LZTR1: variants seen among roughly 807,000 people sequenced by gnomAD.
The protein encoded by LZTR1 is leucine zipper like post translational regulator 1.
A neutral mutation model predicts 105.7 loss-of-function variants in LZTR1; 260 were observed. That is an observed-to-expected ratio of 2.46 (90% CI 2.22 to 2.72). LZTR1 has a LOEUF of 2.72. LZTR1 is among the 30% of genes most tolerant of loss of function. The probability of loss-of-function intolerance (pLI) is 0.00; values close to 1 mark genes in which losing one functional copy is unlikely to be tolerated. For synonymous variants in LZTR1, 490 were observed against 476.4 expected, an observed-to-expected ratio of 1.03 and a Z score of -0.37; for missense variants, 1,214 against 1,166.9, an observed-to-expected ratio of 1.04 and a Z score of -0.59.
chr22:20,990,743 C>T, intron 8 of LZTR1: 1 of 537,504 alleles, frequency 1.9e-6, no homozygotes, highest in South Asian at 2.2e-5. Context: ...GCGAGGAGGC[C>T]CCTGGCTAGG....
Position 20,991,841 on chromosome 22 carries a change from C to A in LZTR1, c.993+12C>A. On this transcript the variant is annotated intron_variant, in intron 9 of 20. Transcript: ENST00000646124. ...GCTCCGACAGCGAGGTGAGGGTGCC[C>A]AGGGGTGTCCTGACCTGCCAGCTGG... 6.5e-7 allele frequency: 1 copy of A among 1,544,316 alleles called. No individual in the cohort carries two copies.
At chr22:20,989,532 G>A (rs1924519484) in intron 6 of LZTR1, 93 bp from the exon 7 acceptor site, 2 of 1,000,472 alleles carry the variant, frequency 2.0e-6, no homozygotes, top group Non-Finnish European at 3.2e-6. Flanking sequence ...GTGTGGGGGT[G>A]GGGCTCCTCC....
chr22:20,996,574 A>G, intron 18 of LZTR1, 122 bp from the exon 19 acceptor site: 1 of 728,382 alleles, frequency 1.4e-6, no homozygotes, highest in Non-Finnish European at 2.4e-6. Context: ...AGTAGTTCAG[A>G]ATCCATTTGG....
In LZTR1 at chr22:20,992,568, G is replaced by A. The variant is rs1237465050; in HGVS notation, c.1149+199G>A. The A allele has an allele frequency of 4.4e-6, 3 of 678,328 alleles. No individual in the cohort carries two copies. In the East Asian group the frequency reaches 8.2e-5, roughly 18 times the overall value. The allele number at this position is 678,328 out of a possible 1,614,324, so 42.0% of individuals were successfully genotyped here. A position where few individuals can be genotyped will look rare whatever the true frequency, so the allele number is the denominator to read the frequency against. On this transcript the variant is annotated intron_variant, in intron 10 of 20. Coordinates refer to ENST00000646124, the MANE Select transcript of LZTR1 (RefSeq NM_006767.4). ...GGGTGGGTGCCACACACTGGCCCAA[G>A]TGCCCTGACCACTCTGAGGGTCTCC...
rs765049551 is a variant in LZTR1 at position 20,990,360 on chromosome 22, G to C, written c.652-26G>C. The C allele has an allele frequency of 1.2e-5, 20 of 1,613,756 alleles. No individual in the cohort carries two copies. In the South Asian group the frequency reaches 2.1e-4, roughly 17 times the overall value. On this transcript the variant is annotated intron_variant, in intron 7 of 20. Transcript: ENST00000646124. ...ATGTGAGCGGGCCCTGTGAGGCCGGGGCTGAGCTGTCCTCTCCCCCTGCAG... is the reference window on the plus strand; with the variant it reads ...ATGTGAGCGGGCCCTGTGAGGCCGGCGCTGAGCTGTCCTCTCCCCCTGCAG...
intron 17 of LZTR1, 30 bp from the exon 18 acceptor site, chr22:20,995,933 G>A (rs757104717): frequency 9.9e-6 from 16 of 1,613,290 alleles, no homozygotes; most frequent in African/African-American, 9.3e-5. Flanking sequence ...TTCTGCTGAC[G>A]GCCAGGTGCC....
chr22:20,986,569 TTAGA>T (rs1283244543), intron 3 of LZTR1: 1 of 151,984 alleles, frequency 6.6e-6, no homozygotes, highest in Non-Finnish European at 1.5e-5. Context: ...GGTAGGTAGA[TTAGA>T]TAGATGATGG....
At position 20,992,592 on chromosome 22, in the gene LZTR1, C is replaced by T. The variant is rs1924645253; in HGVS notation, c.1150-202C>T. On this transcript the variant is annotated intron_variant, in intron 10 of 20. Transcript: ENST00000646124. ...AGTGCCCTGACCACTCTGAGGGTCT[C>T]CATGGCCCGTCATGCCCCACTCGCC... 5 of 638,238 alleles carry T rather than the reference C, an allele frequency of 7.8e-6. No individual in the cohort carries two copies. The Admixed American group carries it at 8.8e-5, about 11-fold the overall frequency. The allele number at this position is 638,238 out of a possible 1,614,324, so 39.5% of individuals were successfully genotyped here. A position where few individuals can be genotyped will look rare whatever the true frequency, so the allele number is the denominator to read the frequency against.
rs1337017523 is a variant in LZTR1 at position 20,993,715 on chromosome 22, G to A, written c.1314G>A (p.Glu438=). 5.6e-6 allele frequency: 9 copies of A among 1,613,508 alleles called. No homozygotes were observed. Among genetic ancestry groups the A allele is most frequent in the Non-Finnish European group, 6.8e-6 (8 of 1,179,942 alleles). ...ACGAGGACTACGGGCGGCTGTGGGA[G>A]AGCCGCCAGTTCTGCGACGTGGAGT... The part of the protein sequence containing the change: ...TLHEDYGRLW[E]SRQFCDVEFV... Residue 438 remains glutamate (E), a synonymous_variant, in exon 12 of 21, where the codon GAG becomes GAA. Transcript: ENST00000646124.
intron 7 of LZTR1, 135 bp downstream of exon 7, chr22:20,989,817 C>T (rs1924536745): frequency 2.1e-6 from 2 of 956,280 alleles, no homozygotes; most frequent in South Asian, 2.9e-5. Flanking sequence ...GGGAGCCAGG[C>T]TGGGGGTCGA....
At position 20,997,601 on chromosome 22, in the gene LZTR1, T is replaced by C. The variant is rs573088657; in HGVS notation, c.*253T>C. 2 of 424,002 alleles carry C rather than the reference T, an allele frequency of 4.7e-6. No individual in the cohort carries two copies. The highest frequency in any genetic ancestry group is 7.2e-5 in the Admixed American group (2 of 27,616). 26.3% of individuals were successfully genotyped at this position (424,002 alleles called of 1,614,324 possible). On this transcript the variant is annotated 3_prime_UTR_variant, in exon 21 of 21. Transcript: ENST00000646124. ...CTGTCATCACCCTCTCCTGGTGTAG[T>C]GTGGATGCGAGGCCACGGCTCAGTG...
chr22:20,994,146 G>T lies in LZTR1; in HGVS notation c.1492G>T (p.Gly498Cys), dbSNP rs779080464. The T allele has an allele frequency of 3.8e-6, 6 of 1,593,936 alleles. No individual in the cohort carries two copies. In the Admixed American group the frequency reaches 6.9e-5, roughly 18 times the overall value. Residue 498 changes from glycine to cysteine, a missense_variant, in exon 14 of 21, where the codon GGC becomes TGC. Transcript: ENST00000646124. The stretch of plus-strand genomic sequence containing the variant: ...CGCCCCAGTTCCCAGGGAGGCCCCC[G>T]GCGTGGCTGCTGGTGGGGCCCGGCC... ...EAAPVPREAPGVAAGGARPPL... is the reference protein window; with the variant it reads ...EAAPVPREAPCVAAGGARPPL...
At chr22:20,986,057 G>A (rs1445190154) in intron 3 of LZTR1, 160 bp downstream of exon 3, 8 of 708,954 alleles carry the variant, frequency 1.1e-5, no homozygotes, top group South Asian at 1.8e-5. Context: ...ATCCAGAGCC[G>A]CCCTGTCAGG....
Position 20,987,507 on chromosome 22 carries a change from C to A in LZTR1, c.324C>A (p.Ala108=). The A allele has an allele frequency of 1.1e-5, 18 of 1,612,410 alleles. No homozygotes were observed. Among genetic ancestry groups the A allele is most frequent in the Non-Finnish European group, 1.5e-5 (18 of 1,178,480 alleles). ...ACCACCCCTGTGCCCACCCCAGGGC[C>A]TTTACCACTGGGACCCCACCGGCCC... ...FDVKDCSWCR[A]FTTGTPPAPR... The change falls in exon 4 of 21, where the codon GCC becomes GCA. Residue 108 remains alanine (A), a synonymous_variant. Coordinates refer to ENST00000646124, the MANE Select transcript of LZTR1 (RefSeq NM_006767.4).
intron 12 of LZTR1, 47 bp downstream of exon 12, chr22:20,993,801 G>T: frequency 6.3e-7 from 1 of 1,584,032 alleles, no homozygotes. Context: ...TGCCTGGGCA[G>T]TGGGAATTTC....
In LZTR1 at chr22:20,994,649, C is replaced by G. The variant is rs745741890; in HGVS notation, c.1707C>G (p.Tyr569Ter). The change falls in exon 15 of 21, where the codon TAC becomes TAG. Residue 569 changes from tyrosine to a stop codon, truncating the protein, a stop_gained. Coordinates refer to ENST00000646124, the MANE Select transcript of LZTR1 (RefSeq NM_006767.4). LOFTEE classifies it high-confidence loss of function. ...LCRLEQLCRQ[Y>*]IEASVDLQNV... is the part of the protein sequence containing the mutation. ...GCCTGGAGCAGCTGTGCCGCCAGTA[C>G]ATCGAGGCCTCCGTGGACCTGCAGA... 6.2e-7 allele frequency: 1 copy of G among 1,612,936 alleles called. No homozygotes were observed. Among genetic ancestry groups the G allele is most frequent in the African/African-American group, 1.3e-5 (1 of 75,042 alleles).
intron 2 of LZTR1, among the ~76,000 whole-genome samples, chr22:20,985,320 A>G (rs947682232): frequency 1.3e-5 from 2 of 151,956 alleles, no homozygotes; most frequent in African/African-American, 2.4e-5. Flanking sequence ...TAGGCTTCCC[A>G]AAGTGCTGGG....
At position 20,989,685 on chromosome 22, in the gene LZTR1, G is replaced by A. The variant is rs1476177741; in HGVS notation, c.651+3G>A. 2 of 1,606,330 alleles carry A rather than the reference G, an allele frequency of 1.2e-6. No homozygotes were observed. The highest frequency in any genetic ancestry group is 1.3e-5 in the African/African-American group (1 of 74,514). On this transcript the variant is annotated splice_donor_region_variant and intron_variant, in intron 7 of 20. Coordinates refer to ENST00000646124, the MANE Select transcript of LZTR1 (RefSeq NM_006767.4). ...GAGAGCTCACCTGCTGGGAGGAGGT[G>A]AGGGGCGTGGGGAGCCAGGGCGCAG...
intron 16 of LZTR1, 85 bp from the exon 17 acceptor site, chr22:20,995,660 TG>T: frequency 6.6e-7 from 1 of 1,524,904 alleles, no homozygotes; most frequent in Non-Finnish European, 9.0e-7. Context: ...GGCAGCAACA[TG>T]GGCAGATATG....
Sources: gnomAD v4.1 joint callset for allele counts (sites outside exome capture counted in the v4.1 genomes callset) on GRCh38, gnomAD v4.1.1 for gene constraint, MANE v1.5 for transcripts, NCBI Gene and HGNC (gene_info 2026-07-23, HGNC 2026-07-21) for gene names.